Variants in POLR3A observed in about 807,000 individuals in gnomAD.
POLR3A encodes DNA-directed RNA polymerase III subunit RPC1.
POLR3A carries 112 observed loss-of-function variants against 152.8 expected under a neutral mutation model. That is an observed-to-expected ratio of 0.73 (90% CI 0.63 to 0.86). The LOEUF is 0.86. Ranked by LOEUF, POLR3A falls within the 40% of genes least tolerant of loss-of-function variation. The pLI is 0.00. For synonymous variants in POLR3A, 615 were observed against 652.1 expected (o/e 0.94, Z 0.87); for missense variants, 1,385 against 1,743.1 (o/e 0.79, Z 3.66).
intron 30 of POLR3A, among the ~76,000 whole-genome samples, chr10:77,978,660 G>GTTTTT (rs1349193901): frequency 7.4e-6 from 1 of 135,744 alleles, no homozygotes; most frequent in African/African-American, 2.8e-5. Flanking sequence ...CTTCATGCTA[G>GTTTTT]TTTTTTTTTT....
At position 77,998,787 on chromosome 10, in the gene POLR3A, A is replaced by C. The variant is rs565517538; in HGVS notation, c.2616+1194T>G. On this transcript the variant is annotated intron_variant, in intron 19 of 30. Coordinates refer to ENST00000372371, the MANE Select transcript of POLR3A (RefSeq NM_007055.4). ...AACTAGAAATACCATTTGATGCAGC[A>C]ATCCCATTACTGGGTATATACCCAA... 3.3e-5 allele frequency among the ~76,000 whole-genome samples: 5 copies of C among 152,344 alleles called. No individual in the cohort carries two copies. The East Asian group carries it at 7.7e-4, about 23-fold the overall frequency.
In POLR3A at chr10:78,004,333, A is replaced by G. The variant is rs569736588; in HGVS notation, c.2247+383T>C. ...TCAGTTTCTACTTGAAGGATGCTGA[A>G]AATAGAAAAGGCAGGAGCACTCGAG... On this transcript the variant is annotated intron_variant, in intron 16 of 30. Coordinates refer to ENST00000372371, the MANE Select transcript of POLR3A (RefSeq NM_007055.4). Among the ~76,000 whole-genome samples, 641 of 152,360 alleles carry G rather than the reference A, an allele frequency of 4.2e-3. 1 individual carries two copies. The highest frequency in any genetic ancestry group is 7.7e-3 in the Non-Finnish European group (523 of 68,038).
In POLR3A at chr10:77,993,236, A is replaced by G. The variant is rs780473346; in HGVS notation, c.2748T>C (p.Asp916=). The G allele has an allele frequency of 6.2e-7, 1 of 1,613,930 alleles. No individual in the cohort carries two copies. The highest frequency in any genetic ancestry group is 8.5e-7 in the Non-Finnish European group (1 of 1,179,780). Residue 916 remains aspartate (D), a synonymous_variant, in exon 20 of 31, where the codon GAT becomes GAC. Transcript: ENST00000372371. ...GLDPAAMEGK[D]EPLEFKRVLD... is the part of the protein sequence containing the mutation. ...GAACCCTTTTAAACTCCAAAGGTTCATCTTTTCCCTCCATAGCTGCAGGAT... is the reference window on the plus strand; with the variant it reads ...GAACCCTTTTAAACTCCAAAGGTTCGTCTTTTCCCTCCATAGCTGCAGGAT...
intron 11 of POLR3A, chr10:78,013,068 G>A (rs1440431321): frequency 2.4e-5 from 4 of 168,004 alleles, no homozygotes; most frequent in South Asian, 2.9e-4. Context: ...GAGCAGGCAC[G>A]TGCCTCACTA....
chr10:78,018,211 A>G (rs1847544040), intron 9 of POLR3A, among the ~76,000 whole-genome samples: 1 of 150,352 alleles, frequency 6.7e-6, no homozygotes, highest in Admixed American at 6.6e-5. Context: ...TGATCTTAAG[A>G]TATATCCAGT....
Position 77,977,525 on chromosome 10 carries a change from G to T in POLR3A, c.4126C>A (p.Pro1376Thr), listed in dbSNP as rs185669283. 111 of 1,614,116 alleles carry T rather than the reference G, an allele frequency of 6.9e-5. No individual in the cohort carries two copies. In the Admixed American group the frequency reaches 1.8e-3, roughly 27 times the overall value. ...ADRDPNPPKRPLIFDTNEFHI... is the reference protein window; with the variant it reads ...ADRDPNPPKRTLIFDTNEFHI... ...AATTCATTTGTGTCGAAGATCAGGG[G>T]CCTCTTGGGAGGGTTCGGGTCCCTG... Residue 1376 changes from proline (P) to threonine (T), a missense_variant, in exon 31 of 31, where the codon CCC (proline) becomes ACC (threonine). Physicochemically the swap from Pro to Thr is conservative, Grantham distance 38. This residue lies in a region of POLR3A where 332 missense variants were observed against 400.1 expected (regional missense o/e 0.83). Transcript: ENST00000372371.
chr10:77,978,268 C>G (rs968963649), intron 30 of POLR3A, among the ~76,000 whole-genome samples: 1 of 152,170 alleles, frequency 6.6e-6, no homozygotes, highest in Non-Finnish European at 1.5e-5. Flanking sequence ...CTTGAGTCTA[C>G]GATGAGCAAG....
Position 78,005,028 on chromosome 10 carries a change from T to A in POLR3A, c.2075-140A>T. The stretch of plus-strand genomic sequence containing the variant: ...AGTTTAAAGTATAAAAAAGTGTATA[T>A]CTTCACAGAATTCATCACAATTCAA... On this transcript the variant is annotated intron_variant, in intron 15 of 30. Transcript: ENST00000372371. The A allele has an allele frequency of 4.1e-6, 3 of 726,298 alleles. No homozygotes were observed. The South Asian group carries it at 4.5e-5, about 11-fold the overall frequency. 45.0% of individuals were successfully genotyped at this position (726,298 alleles called of 1,614,324 possible). A position where few individuals can be genotyped will look rare whatever the true frequency, so the allele number is the denominator to read the frequency against.
chr10:78,022,597 T>C (rs1262655509), intron 5 of POLR3A, among the ~76,000 whole-genome samples: 1 of 152,222 alleles, frequency 6.6e-6, no homozygotes, highest in Admixed American at 6.5e-5. Flanking sequence ...CTTCTCATTA[T>C]TCCAAGGGGT....
intron 26 of POLR3A, 119 bp downstream of exon 26, chr10:77,983,801 A>G: frequency 1.4e-6 from 1 of 729,322 alleles, no homozygotes; most frequent in Admixed American, 2.0e-5. Flanking sequence ...AAAACCAGAA[A>G]CCACACAGAA....
intron 1 of POLR3A, 63 bp from the exon 2 acceptor site, chr10:78,026,292 T>C (rs1020536957): frequency 6.4e-7 from 1 of 1,574,752 alleles, no homozygotes; most frequent in Non-Finnish European, 8.7e-7. Context: ...GTCTATTACA[T>C]ACATAGCCCA....
At chr10:77,981,842 G>A (rs1319823861) in intron 28 of POLR3A, among the ~76,000 whole-genome samples, 9 of 137,110 alleles carry the variant, frequency 6.6e-5, no homozygotes, top group Admixed American at 1.6e-4. Context: ...GGCTAACATG[G>A]TGAAACCCCA....
At position 78,002,419 on chromosome 10, in the gene POLR3A, A is replaced by C. The variant is rs531483626; in HGVS notation, c.2248-111T>G. ...TGAAAATACTGAGGCAAGATGCCCG[A>C]TTTCCGATCAGTAAATGTTTCAGAA... On this transcript the variant is annotated intron_variant, in intron 16 of 30. Transcript: ENST00000372371. The C allele has an allele frequency of 6.2e-5, 48 of 773,194 alleles. No individual in the cohort carries two copies. The South Asian group carries it at 6.6e-4, about 11-fold the overall frequency. 47.9% of individuals were successfully genotyped at this position (773,194 alleles called of 1,614,324 possible). A position where few individuals can be genotyped will look rare whatever the true frequency, so the allele number is the denominator to read the frequency against.
chr10:78,000,048 T>C lies in POLR3A; in HGVS notation c.2549A>G (p.His850Arg), dbSNP rs2131942139. 6.2e-7 allele frequency: 1 copy of C among 1,614,010 alleles called. No homozygotes were observed. The highest frequency in any genetic ancestry group is 8.5e-7 in the Non-Finnish European group (1 of 1,179,952). ...SGLTPTEFFF[H>R]TMAGREGLVD... Reference sequence around the variant, plus strand: ...TAGACCTTCCCGGCCGGCCATTGTGTGGAAGAAAAACTCAGTTGGTGTCAA... The same window carrying C: ...TAGACCTTCCCGGCCGGCCATTGTGCGGAAGAAAAACTCAGTTGGTGTCAA... The change falls in exon 19 of 31, where the codon CAC becomes CGC. Residue 850 changes from histidine to arginine, a missense_variant. Around this residue, in one of 7 missense-constraint regions of POLR3A, gnomAD observed 170 missense variants for 231.2 expected, o/e 0.74. Transcript: ENST00000372371.
Position 77,976,566 on chromosome 10 carries a change from C to G in POLR3A, c.*912G>C, listed in dbSNP as rs978357038. ...CACAGATCCAAGAACCAATGGCTAC[C>G]CCGGGTACCTTAACAGCATCAACTC... On this transcript the variant is annotated 3_prime_UTR_variant, in exon 31 of 31. Coordinates refer to ENST00000372371, the MANE Select transcript of POLR3A (RefSeq NM_007055.4). 6.6e-6 allele frequency: 1 copy of G among 152,158 alleles called. No homozygotes were observed. The highest frequency in any genetic ancestry group is 2.1e-4 in the South Asian group (1 of 4,828). The allele number at this position is 152,158 out of a possible 1,614,324, so 9.4% of individuals were successfully genotyped here.
intron 1 of POLR3A, among the ~76,000 whole-genome samples, chr10:78,026,657 T>G (rs1341791094): frequency 2.0e-5 from 3 of 152,236 alleles, no homozygotes; most frequent in African/African-American, 4.8e-5. Flanking sequence ...CTGCTATCCC[T>G]TAAATATTGG....
intron 21 of POLR3A, among the ~76,000 whole-genome samples, chr10:77,986,891 G>A (rs188983314): frequency 6.6e-6 from 1 of 152,292 alleles, no homozygotes; most frequent in East Asian, 1.9e-4. Context: ...AGAAGAAGGT[G>A]AAAAATACAC....
At chr10:77,984,960 A>G (rs866889281) in intron 24 of POLR3A, among the ~76,000 whole-genome samples, 54 of 152,184 alleles carry the variant, frequency 3.5e-4, no homozygotes, top group African/African-American at 1.2e-3. Context: ...TAACAAAACC[A>G]TTGCTTCTAT....
chr10:77,989,199 T>C (rs1847224963), intron 21 of POLR3A, among the ~76,000 whole-genome samples: 1 of 152,184 alleles, frequency 6.6e-6, no homozygotes. Context: ...GGGAACGAAC[T>C]CACAACATGG....
Sources: allele counts gnomAD v4.1 joint callset (sites outside exome capture counted in the v4.1 genomes callset), GRCh38; gene constraint gnomAD v4.1.1; regional missense constraint gnomAD v4.1.1; transcripts MANE v1.5; gene names NCBI Gene and HGNC (gene_info 2026-07-23, HGNC 2026-07-21).